Variants in HIP1 observed in about 807,000 individuals in gnomAD.
HIP1 encodes the protein huntingtin-interacting protein 1.
HIP1 carries 65 observed loss-of-function variants against 147.6 expected under a neutral mutation model. The ratio of observed to expected loss-of-function variants is 0.44; its 90% confidence interval spans 0.36 to 0.54. The LOEUF (loss-of-function observed/expected upper bound fraction) is 0.54. HIP1 is among the 20% of genes least tolerant of loss of function. The probability of loss-of-function intolerance (pLI) is 0.00; values close to 1 mark genes in which losing one functional copy is unlikely to be tolerated. For missense variants in HIP1, 1,061 were observed against 1,299.6 expected (o/e 0.82, Z 2.82); for synonymous variants, 479 against 504.0 (o/e 0.95, Z 0.67).
At chr7:75,597,912 G>T (rs1316294654) in intron 2 of HIP1, among the ~76,000 whole-genome samples, 1 of 152,044 alleles carries the variant, frequency 6.6e-6, no homozygotes, top group Non-Finnish European at 1.5e-5. Context: ...AGATTCCTAG[G>T]GATTCATCAG....
At chr7:75,707,701 A>C (rs1554519853) in intron 1 of HIP1, among the ~76,000 whole-genome samples, 1 of 148,148 alleles carries the variant, frequency 6.8e-6, no homozygotes, top group African/African-American at 2.5e-5. Flanking sequence ...TTCAAACTAT[A>C]CTACAAGGCT....
intron 23 of HIP1, among the ~76,000 whole-genome samples, chr7:75,548,176 G>A (rs1251191390): frequency 4.6e-5 from 7 of 152,062 alleles, no homozygotes; most frequent in South Asian, 2.1e-4. Context: ...TTACAGGCAC[G>A]CGCCACCACG....
intron 2 of HIP1, among the ~76,000 whole-genome samples, chr7:75,598,502 G>A (rs1584859097): frequency 6.6e-6 from 1 of 151,508 alleles, no homozygotes; most frequent in East Asian, 1.9e-4. Context: ...TGGTCCCTGT[G>A]TTCCTGTAAA....
chr7:75,658,517 C>G (rs1799210061), intron 1 of HIP1, among the ~76,000 whole-genome samples: 1 of 152,104 alleles, frequency 6.6e-6, no homozygotes, highest in South Asian at 2.1e-4. Context: ...CTCCCAGCAG[C>G]TGAATTTTGC....
chr7:75,545,130 A>G lies in HIP1; in HGVS notation c.2618T>C (p.Ile873Thr). The stretch of plus-strand genomic sequence containing the variant: ...CCAGCCCACAGCCTTGGAGGCTGAG[A>G]TAAGTCCTTCTGTCCATCGAGAGTT... ...AKNSRWTEGL[I>T]SASKAVGWGA... The change falls in exon 26 of 31, where the codon ATC becomes ACC. Residue 873 changes from isoleucine (I) to threonine (T), a missense_variant. Physicochemically the swap from Ile to Thr is moderately conservative, Grantham distance 89 (BLOSUM62 -1). Transcript: ENST00000336926. 1 of 1,612,246 alleles carries G rather than the reference A, an allele frequency of 6.2e-7. No homozygotes were observed. The highest frequency in any genetic ancestry group is 8.5e-7 in the Non-Finnish European group (1 of 1,179,342).
At chr7:75,620,463 G>A (rs1349117999) in intron 1 of HIP1, among the ~76,000 whole-genome samples, 4 of 151,576 alleles carry the variant, frequency 2.6e-5, no homozygotes, top group Non-Finnish European at 4.4e-5. Flanking sequence ...AAGGTGGGTG[G>A]GTCACTTGAG....
At chr7:75,577,342 A>AAAAAAAAAAAC (rs1795882120) in intron 7 of HIP1, among the ~76,000 whole-genome samples, 1 of 151,794 alleles carries the variant, frequency 6.6e-6, no homozygotes, top group Non-Finnish European at 1.5e-5. Context: ...CAAAAAAAAA[A>AAAAAAAAAAAC]AAACGAGAGA....
At chr7:75,640,183 C>G (rs529556586) in intron 1 of HIP1, among the ~76,000 whole-genome samples, 94 of 152,358 alleles carry the variant, frequency 6.2e-4, no homozygotes, top group African/African-American at 2.2e-3. Flanking sequence ...AGTTTCAACA[C>G]AGTCTGTCCC....
chr7:75,569,251 T>G (rs1380430827), intron 8 of HIP1, among the ~76,000 whole-genome samples: 1 of 152,180 alleles, frequency 6.6e-6, no homozygotes, highest in Non-Finnish European at 1.5e-5. Flanking sequence ...TATTTGGAAA[T>G]GGGTCATACA....
At chr7:75,601,616 CAAAAAA>C (rs587710789) in intron 1 of HIP1, among the ~76,000 whole-genome samples, 23,568 of 142,028 alleles carry the variant, frequency 0.17, 2,132 homozygotes, top group Middle Eastern at 0.27. Context: ...ACAACAACAA[CAAAAAA>C]AAAAAGAAAA....
intron 1 of HIP1, among the ~76,000 whole-genome samples, chr7:75,643,495 T>A (rs1032530862): frequency 1.4e-4 from 22 of 152,158 alleles, no homozygotes; most frequent in African/African-American, 5.1e-4. Flanking sequence ...AGAATTTTTT[T>A]AAGTCAGGAA....
Position 75,708,903 on chromosome 7 carries a change from G to A in HIP1, c.120+29898C>T, listed in dbSNP as rs564531354. Among the ~76,000 whole-genome samples, 146 of 152,088 alleles carry A rather than the reference G, an allele frequency of 9.6e-4. 1 individual carries two copies. The highest frequency in any genetic ancestry group is 3.5e-3 in the African/African-American group (144 of 41,508). On this transcript the variant is annotated intron_variant, in intron 1 of 30. Transcript: ENST00000336926. ...TCTGTTTCTGCAAAAACATTATTGG[G>A]ATTTTGATAGAGATTGCAATAAATC...
intron 22 of HIP1, among the ~76,000 whole-genome samples, chr7:75,550,395 GGTT>G (rs1160944962): frequency 6.6e-6 from 1 of 152,102 alleles, no homozygotes; most frequent in Non-Finnish European, 1.5e-5. Context: ...TCAAGAGCGT[GGTT>G]GTTGTGTCTT....
At chr7:75,703,909 C>T (rs1800913139) in intron 1 of HIP1, among the ~76,000 whole-genome samples, 1 of 152,112 alleles carries the variant, frequency 6.6e-6, no homozygotes, top group Non-Finnish European at 1.5e-5. Context: ...GAACTGAGCT[C>T]CTGGCCAGAG....
intron 1 of HIP1, among the ~76,000 whole-genome samples, chr7:75,694,408 C>T (rs1554518539): frequency 1.3e-5 from 2 of 151,994 alleles, no homozygotes. Context: ...CATTTCCTTA[C>T]CTCTATTGTC....
At chr7:75,658,925 A>C (rs929994447) in intron 1 of HIP1, among the ~76,000 whole-genome samples, 1 of 152,046 alleles carries the variant, frequency 6.6e-6, no homozygotes, top group South Asian at 2.1e-4. Context: ...ACAAAAACAA[A>C]CAAACAAAGA....
chr7:75,635,577 CAA>C (rs144914669), intron 1 of HIP1, among the ~76,000 whole-genome samples: 29 of 69,780 alleles, frequency 4.2e-4, no homozygotes, highest in South Asian at 5.1e-4. Flanking sequence ...GACTCCATCT[CAA>C]AAAAAAAAAA....
chr7:75,659,484 A>AC (rs1350423568), intron 1 of HIP1, among the ~76,000 whole-genome samples: 14 of 152,024 alleles, frequency 9.2e-5, no homozygotes, highest in Admixed American at 7.9e-4. Context: ...CCCCGTCTCT[A>AC]CAAAAAATAC....
intron 1 of HIP1, among the ~76,000 whole-genome samples, chr7:75,681,318 C>A (rs1554516816): frequency 6.6e-6 from 1 of 151,986 alleles, no homozygotes; most frequent in African/African-American, 2.4e-5. Context: ...CAATAAGAAG[C>A]ATCTTCTCTA....
Sources: gnomAD v4.1 joint callset for allele counts (sites outside exome capture counted in the v4.1 genomes callset) on GRCh38, gnomAD v4.1.1 for gene constraint, MANE v1.5 for transcripts, NCBI Gene and HGNC (gene_info 2026-07-23, HGNC 2026-07-21) for gene names.